The following HEPHL1 variants were observed in gnomAD, a reference collection of about 807,000 sequenced individuals.
HEPHL1 encodes the protein ferroxidase HEPHL1.
A neutral mutation model predicts 122.0 loss-of-function variants in HEPHL1; 123 were observed. The observed-to-expected ratio is 1.01, with a 90% CI of 0.87 to 1.17. The LOEUF (loss-of-function observed/expected upper bound fraction) is 1.17, where lower values mean the gene tolerates loss of function less well. Ranked by LOEUF, HEPHL1 falls within the 50% of genes most tolerant of loss-of-function variation. The pLI is 0.00. For synonymous variants in HEPHL1, 527 were observed against 508.9 expected (o/e 1.04, Z -0.48); for missense variants, 1,452 against 1,430.5 (o/e 1.01, Z -0.24).
chr11:94,106,269 G>T, intron 17 of HEPHL1, 139 bp downstream of exon 17: 1 of 546,594 alleles, frequency 1.8e-6, no homozygotes, highest in Non-Finnish European at 3.0e-6. Flanking sequence ...TGATTGTACC[G>T]TTTCCCTGGT....
chr11:94,096,638 T>C (rs1216733500), intron 13 of HEPHL1, among the ~76,000 whole-genome samples: 1 of 152,150 alleles, frequency 6.6e-6, no homozygotes, highest in Non-Finnish European at 1.5e-5. Flanking sequence ...GCTGTAAATA[T>C]GTCTGGTCCT....
intron 2 of HEPHL1, among the ~76,000 whole-genome samples, chr11:94,051,403 A>G (rs895880849): frequency 6.6e-6 from 1 of 152,272 alleles, no homozygotes; most frequent in South Asian, 2.1e-4. Flanking sequence ...CTGATGACCA[A>G]TAATGTTAAG....
At chr11:94,030,968 T>C (rs1945669719) in intron 1 of HEPHL1, among the ~76,000 whole-genome samples, 1 of 152,178 alleles carries the variant, frequency 6.6e-6, no homozygotes, top group Non-Finnish European at 1.5e-5. Context: ...GCAGATGCCA[T>C]GCTCTCTGCT....
chr11:94,044,527 T>C (rs1454756930), intron 1 of HEPHL1, among the ~76,000 whole-genome samples: 3 of 152,144 alleles, frequency 2.0e-5, no homozygotes, highest in Non-Finnish European at 4.4e-5. Flanking sequence ...ATTAAACTTG[T>C]CAGTCTATCT....
chr11:94,085,646 T>C (rs1168683605), intron 10 of HEPHL1, among the ~76,000 whole-genome samples: 1 of 152,064 alleles, frequency 6.6e-6, no homozygotes, highest in Non-Finnish European at 1.5e-5. Flanking sequence ...CATAGGAAAA[T>C]AACCACAAAA....
intron 1 of HEPHL1, among the ~76,000 whole-genome samples, chr11:94,032,567 G>A (rs1347779071): frequency 3.3e-5 from 5 of 152,126 alleles, no homozygotes; most frequent in African/African-American, 1.2e-4. Flanking sequence ...ACAGTCTTTG[G>A]GAGGCATACC....
intron 9 of HEPHL1, among the ~76,000 whole-genome samples, chr11:94,080,930 T>G (rs553798690): frequency 6.6e-6 from 1 of 152,298 alleles, no homozygotes; most frequent in Non-Finnish European, 1.5e-5. Flanking sequence ...ACCCAGCAGT[T>G]CCATTACTGG....
Position 94,049,737 on chromosome 11 carries a change from T to A in HEPHL1, c.415+3820T>A, listed in dbSNP as rs373968121. The stretch of plus-strand genomic sequence containing the variant: ...CAATGCCACAGTGTCTTGATTACTG[T>A]GAAATTCTAGTAAGTTTTGAAATGG... On this transcript the variant is annotated intron_variant, in intron 2 of 19. Transcript: ENST00000315765. Among the ~76,000 whole-genome samples, 13 of 152,268 alleles carry A rather than the reference T, an allele frequency of 8.5e-5. No individual in the cohort carries two copies. The East Asian group carries it at 1.5e-3, about 18-fold the overall frequency.
intron 1 of HEPHL1, among the ~76,000 whole-genome samples, chr11:94,045,224 C>A (rs1945823628): frequency 1.3e-5 from 2 of 152,178 alleles, no homozygotes; most frequent in Non-Finnish European, 2.9e-5. Context: ...CTATTACGTT[C>A]CTAGAAATGT....
intron 17 of HEPHL1, among the ~76,000 whole-genome samples, chr11:94,106,720 T>C (rs531394509): frequency 2.0e-5 from 3 of 152,296 alleles, no homozygotes; most frequent in Non-Finnish European, 4.4e-5. Context: ...GCTGTTAATA[T>C]TGTATATGAA....
In HEPHL1 at chr11:94,064,357, C is replaced by A. The variant is rs200031155; in HGVS notation, c.655C>A (p.Arg219=). 6.2e-7 allele frequency: 1 copy of A among 1,612,498 alleles called. No individual in the cohort carries two copies. Among genetic ancestry groups the A allele is most frequent in the East Asian group, 2.2e-5 (1 of 44,850 alleles). ...TATCCTGAATAGATATTCAGGGACA[C>A]GGAATGATGTGGATCGAGAGTTTGT... ...EGILNRYSGT[R]NDVDREFVIM... is the part of the protein sequence containing the mutation. The change falls in exon 4 of 20, where the codon CGG becomes AGG. Residue 219 remains arginine (R), a synonymous_variant. Coordinates refer to ENST00000315765, the MANE Select transcript of HEPHL1 (RefSeq NM_001098672.2).
At chr11:94,053,065 T>G (rs1397985911) in intron 2 of HEPHL1, among the ~76,000 whole-genome samples, 1 of 152,098 alleles carries the variant, frequency 6.6e-6, no homozygotes, top group Non-Finnish European at 1.5e-5. Context: ...TTTTTAGTAT[T>G]TGTTAGAATT....
chr11:94,031,281 C>T (rs1945672649), intron 1 of HEPHL1, among the ~76,000 whole-genome samples: 1 of 150,568 alleles, frequency 6.6e-6, no homozygotes. Flanking sequence ...ACTTTGTTTC[C>T]CTGGTCACTT....
intron 9 of HEPHL1, among the ~76,000 whole-genome samples, chr11:94,078,239 T>C (rs1004080602): frequency 6.6e-6 from 1 of 152,040 alleles, no homozygotes; most frequent in African/African-American, 2.4e-5. Flanking sequence ...TTGTGTGGCC[T>C]GCAAACAAAC....
rs1011686099 is a variant in HEPHL1, at chr11:94,093,702, T to A, written c.2434+62T>A. 8.4e-6 allele frequency: 13 copies of A among 1,545,988 alleles called. No individual in the cohort carries two copies. In the Admixed American group the frequency reaches 1.2e-4, roughly 15 times the overall value. On this transcript the variant is annotated intron_variant, in intron 13 of 19. Coordinates refer to ENST00000315765, the MANE Select transcript of HEPHL1 (RefSeq NM_001098672.2). ...AAGCATGTGCATGCACACATACTCA[T>A]GTGTTCTGTTACACTTGTGGCTAAG... is the stretch of plus-strand genomic sequence containing the variant.
intron 1 of HEPHL1, among the ~76,000 whole-genome samples, chr11:94,029,144 A>T (rs1945651339): frequency 6.6e-6 from 1 of 152,086 alleles, no homozygotes; most frequent in Non-Finnish European, 1.5e-5. Context: ...ATTTTTATCA[A>T]ATAGTTACTA....
chr11:94,073,481 AGC>A (rs1946095503), intron 8 of HEPHL1, 42 bp downstream of exon 8: 1 of 1,540,408 alleles, frequency 6.5e-7, no homozygotes, highest in African/African-American at 1.4e-5. Context: ...AGGACGGGTG[AGC>A]AAAGCACTTA....
At chr11:94,096,214 G>A (rs1946311876) in intron 13 of HEPHL1, among the ~76,000 whole-genome samples, 1 of 152,136 alleles carries the variant, frequency 6.6e-6, no homozygotes, top group Admixed American at 6.5e-5. Flanking sequence ...AATTTATTGA[G>A]AGTTTTTAGC....
intron 12 of HEPHL1, 48 bp from the exon 13 acceptor site, chr11:94,093,453 C>G: frequency 6.2e-7 from 1 of 1,609,490 alleles, no homozygotes; most frequent in Non-Finnish European, 8.5e-7. Context: ...GCGCTCAAAG[C>G]TTTTCTGCTT....
Sources: gnomAD v4.1 joint callset for allele counts (sites outside exome capture counted in the v4.1 genomes callset) on GRCh38, gnomAD v4.1.1 for gene constraint, MANE v1.5 for transcripts, NCBI Gene and HGNC (gene_info 2026-07-23, HGNC 2026-07-21) for gene names.